Variants in CNTN4 observed in about 807,000 individuals in gnomAD.
CNTN4 encodes contactin 4, also known as contactin-4.
In CNTN4, 77 loss-of-function variants were observed where a neutral mutation model predicts 122.5. The observed-to-expected ratio is 0.63, with a 90% confidence interval of 0.52 to 0.76. The LOEUF is 0.76. CNTN4 is among the 30% of genes least tolerant of loss of function. The pLI is 0.00. For synonymous variants in CNTN4, 512 were observed against 447.0 expected, an observed-to-expected ratio of 1.15 and a Z score of -1.83; for missense variants, 1,256 against 1,259.1, an observed-to-expected ratio of 1.00 and a Z score of 0.04.
chr3:2,863,544 G>C (rs952182067), intron 7 of CNTN4, among the ~76,000 whole-genome samples: 1 of 123,658 alleles, frequency 8.1e-6, no homozygotes, highest in Non-Finnish European at 1.7e-5. Flanking sequence ...ATTTGTTGTT[G>C]TTTTCTGTTG....
chr3:2,470,806 A>C (rs2075659925), intron 3 of CNTN4, among the ~76,000 whole-genome samples: 1 of 152,216 alleles, frequency 6.6e-6, no homozygotes, highest in African/African-American at 2.4e-5. Flanking sequence ...ACAGCCTCTG[A>C]AGCTGAACTG....
chr3:2,264,500 T>C (rs1026548506), intron 2 of CNTN4, among the ~76,000 whole-genome samples: 3 of 152,146 alleles, frequency 2.0e-5, no homozygotes, highest in African/African-American at 7.2e-5. Flanking sequence ...GGGTTTCTCA[T>C]GTATTCTGGT....
intron 13 of CNTN4, among the ~76,000 whole-genome samples, chr3:2,942,201 C>T (rs767136638): frequency 7.2e-5 from 11 of 151,934 alleles, no homozygotes; most frequent in Admixed American, 6.6e-5. Flanking sequence ...CCTCTTTTCA[C>T]GAGGACTAGA....
chr3:2,932,235 G>T (rs148032139), intron 13 of CNTN4, among the ~76,000 whole-genome samples: 11 of 152,016 alleles, frequency 7.2e-5, no homozygotes, highest in Admixed American at 6.6e-4. Flanking sequence ...AAAATTAGCC[G>T]GGCGTGGTGG....
intron 2 of CNTN4, among the ~76,000 whole-genome samples, chr3:2,150,290 T>G (rs991238888): frequency 3.9e-5 from 6 of 152,196 alleles, no homozygotes; most frequent in Non-Finnish European, 8.8e-5. Flanking sequence ...ACAGTGTTTT[T>G]AATAAGTAAA....
Position 2,640,499 on chromosome 3 carries a change from A to T in CNTN4, c.55+68941A>T, listed in dbSNP as rs186850780. On this transcript the variant is annotated intron_variant, in intron 4 of 24. Coordinates refer to ENST00000418658, the MANE Select transcript of CNTN4 (RefSeq NM_175607.3). ...ATACGATAAACAAGGGGGGAAATGT[A>T]GTAAAGAATCAGTGGTTACCTGATG... 3.3e-5 allele frequency among the ~76,000 whole-genome samples: 5 copies of T among 152,326 alleles called. No individual in the cohort carries two copies. In the East Asian group the frequency reaches 9.6e-4, roughly 29 times the overall value.
rs564359573 is a variant in CNTN4, at chr3:2,390,706, C to T, written c.-89+51473C>T. ...TTTTTCCCCACCTAACTTCCTTTGACGTAAAACAATGTTTGCAGAATTAAA... is the reference window on the plus strand; with the variant it reads ...TTTTTCCCCACCTAACTTCCTTTGATGTAAAACAATGTTTGCAGAATTAAA... On this transcript the variant is annotated intron_variant, in intron 3 of 24. Transcript: ENST00000418658. 2.2e-4 allele frequency among the ~76,000 whole-genome samples: 33 copies of T among 152,144 alleles called. No individual in the cohort carries two copies. The South Asian group carries it at 2.7e-3, about 12-fold the overall frequency.
intron 2 of CNTN4, among the ~76,000 whole-genome samples, chr3:2,166,087 CAT>C (rs1283626832): frequency 6.6e-6 from 1 of 152,052 alleles, no homozygotes; most frequent in African/African-American, 2.4e-5. Context: ...ATTGCTGGGT[CAT>C]ATGACTGTTC....
chr3:2,151,631 G>A lies in CNTN4; in HGVS notation c.-145+50992G>A, dbSNP rs139015180. On this transcript the variant is annotated intron_variant, in intron 2 of 24. Coordinates refer to ENST00000418658, the MANE Select transcript of CNTN4 (RefSeq NM_175607.3). Reference sequence around the variant, plus strand: ...GAATTGAGAATTGGGGCCTTTAAGAGGTGATTAGACCCTGAGGGATCTGCC... The same window carrying A: ...GAATTGAGAATTGGGGCCTTTAAGAAGTGATTAGACCCTGAGGGATCTGCC... 8.8e-3 allele frequency among the ~76,000 whole-genome samples: 1,341 copies of A among 152,264 alleles called. 14 individuals carry two copies. The highest frequency in any genetic ancestry group is 0.01 in the Non-Finnish European group (710 of 68,030).
chr3:2,875,039 G>A (rs2093827629), intron 8 of CNTN4, among the ~76,000 whole-genome samples: 1 of 152,146 alleles, frequency 6.6e-6, no homozygotes, highest in African/African-American at 2.4e-5. Flanking sequence ...CTGGAATGCA[G>A]TGGTGCGATG....
intron 2 of CNTN4, among the ~76,000 whole-genome samples, chr3:2,247,002 AGGTT>A: frequency 6.6e-6 from 1 of 152,034 alleles, no homozygotes; most frequent in Non-Finnish European, 1.5e-5. Context: ...CAACTGGAGG[AGGTT>A]GGTTAAGTAC....
chr3:2,177,998 T>C (rs1310417693), intron 2 of CNTN4, among the ~76,000 whole-genome samples: 3 of 152,086 alleles, frequency 2.0e-5, no homozygotes, highest in Admixed American at 6.6e-5. Context: ...TTCCTAAATT[T>C]GAATACCCTT....
At chr3:2,754,759 G>T (rs6777827) in intron 6 of CNTN4, among the ~76,000 whole-genome samples, 11 of 145,942 alleles carry the variant, frequency 7.5e-5, no homozygotes, top group Middle Eastern at 3.5e-3. Flanking sequence ...AAAAAAAAAA[G>T]AAAAGAAAAA....
At chr3:2,517,559 G>A (rs981644266) in intron 3 of CNTN4, among the ~76,000 whole-genome samples, 1 of 152,126 alleles carries the variant, frequency 6.6e-6, no homozygotes, top group African/African-American at 2.4e-5. Flanking sequence ...AATACTGAAT[G>A]ACTTCTTGAA....
intron 2 of CNTN4, among the ~76,000 whole-genome samples, chr3:2,155,879 T>C (rs1267011192): frequency 6.6e-6 from 1 of 152,232 alleles, no homozygotes; most frequent in Non-Finnish European, 1.5e-5. Context: ...CACCACCTTC[T>C]TGACCCTCCA....
intron 4 of CNTN4, among the ~76,000 whole-genome samples, chr3:2,718,614 G>C (rs9832509): frequency 0.18 from 27,198 of 152,080 alleles, 2,592 homozygotes; most frequent in African/African-American, 0.24. Context: ...CCTGGGAGTA[G>C]GGAAGGATAG....
chr3:2,367,786 C>A (rs2045455493), intron 3 of CNTN4, among the ~76,000 whole-genome samples: 2 of 152,034 alleles, frequency 1.3e-5, no homozygotes, highest in African/African-American at 4.8e-5. Context: ...CACCTAGCAT[C>A]TTTTTAACAC....
intron 3 of CNTN4, among the ~76,000 whole-genome samples, chr3:2,540,334 G>A (rs927022297): frequency 6.6e-6 from 1 of 151,986 alleles, no homozygotes; most frequent in African/African-American, 2.4e-5. Context: ...CCACCCAGCT[G>A]AGTCTCCAAA....
chr3:2,426,227 T>C (rs2151154737), intron 3 of CNTN4, among the ~76,000 whole-genome samples: 1 of 152,312 alleles, frequency 6.6e-6, no homozygotes, highest in Non-Finnish European at 1.5e-5. Context: ...CTCTTATTAT[T>C]TTGAGATACG....
Sources: gnomAD v4.1 joint callset for allele counts (sites outside exome capture counted in the v4.1 genomes callset) on GRCh38, gnomAD v4.1.1 for gene constraint, MANE v1.5 for transcripts, NCBI Gene and HGNC (gene_info 2026-07-23, HGNC 2026-07-21) for gene names.